RNF213: variants seen among roughly 807,000 people sequenced by gnomAD.
RNF213 encodes the protein ring finger protein 213.
Under a neutral mutation model 514.4 loss-of-function variants are expected in RNF213, and 341 were observed. That is an observed-to-expected ratio of 0.66 (90% CI 0.61 to 0.73). RNF213 has a LOEUF of 0.73. RNF213 is among the 30% of genes least tolerant of loss of function. The pLI is 0.00. For missense variants in RNF213, 5,767 were observed against 6,615.6 expected (o/e 0.87, Z 4.45); for synonymous variants, 2,655 against 2,658.2 (o/e 1.00, Z 0.04).
chr17:80,354,116 G>A lies in RNF213; in HGVS notation c.10676G>A (p.Arg3559Gln), dbSNP rs202119991. 280 of 1,613,990 alleles carry A rather than the reference G, an allele frequency of 1.7e-4. No individual in the cohort carries two copies. The highest frequency in any genetic ancestry group is 2.2e-4 in the Non-Finnish European group (262 of 1,180,046). Residue 3559 changes from arginine to glutamine, a missense_variant, in exon 35 of 68, where the codon CGG (arginine) becomes CAG (glutamine). This residue lies in a region of RNF213 where 919 missense variants were observed against 1,121.0 expected (regional missense o/e 0.82). Coordinates refer to ENST00000582970, the MANE Select transcript of RNF213 (RefSeq NM_001256071.3). ...AACGAGAGCTGCACGCGCAATATGCGGAGGGTGGTGCTCCTCCTGGGCCTC... is the reference window on the plus strand; with the variant it reads ...AACGAGAGCTGCACGCGCAATATGCAGAGGGTGGTGCTCCTCCTGGGCCTC... Reference protein sequence around the residue: ...DQNESCTRNMRRVVLLLGLLN... With the variant: ...DQNESCTRNMQRVVLLLGLLN...
chr17:80,270,222 G>A (rs907909774), intron 2 of RNF213, among the ~76,000 whole-genome samples: 1 of 152,210 alleles, frequency 6.6e-6, no homozygotes, highest in Non-Finnish European at 1.5e-5. Context: ...CAGCCTCCCT[G>A]GCTCTGCCAC....
At chr17:80,368,207 T>C (rs986499644) in intron 44 of RNF213, 64 bp downstream of exon 44, 11 of 1,539,884 alleles carry the variant, frequency 7.1e-6, no homozygotes, top group Non-Finnish European at 8.1e-6. Flanking sequence ...GCAAACACAA[T>C]ATTCAGAAAT....
chr17:80,278,749 G>T (rs1212087691), intron 3 of RNF213: 19 of 1,537,108 alleles, frequency 1.2e-5, no homozygotes, highest in South Asian at 4.8e-5. Context: ...TCTGAAGGGG[G>T]TCGTGTTTCA....
intron 3 of RNF213, chr17:80,278,616 G>A (rs776571142): frequency 2.5e-5 from 24 of 948,792 alleles, no homozygotes; most frequent in Non-Finnish European, 3.4e-5. Context: ...GACGGTGCTG[G>A]GAAGCTGGTC....
At chr17:80,314,161 AGGTGATGGTGGAGGTGATGGTGGTGGTG>A in intron 15 of RNF213, among the ~76,000 whole-genome samples, 3 of 90,408 alleles carry the variant, frequency 3.3e-5, no homozygotes, top group Admixed American at 1.0e-4. Context: ...GTGGTGGTGT[AGGTGATGGTGGAGGTGATGGTGGTGGTG>A]AAGGTGATGG....
chr17:80,346,237 C>A lies in RNF213; in HGVS notation c.7902C>A (p.Ser2634Arg), dbSNP rs1165276671. The change falls in exon 29 of 68, where the codon AGC becomes AGA. Residue 2634 changes from serine to arginine, a missense_variant. This residue lies in a region of RNF213 where 1,377 missense variants were observed against 1,635.2 expected (regional missense o/e 0.84). Transcript: ENST00000582970. This position sits in a 1 kb window ranked among gnomAD's most constrained non-coding sequence, Gnocchi z 8.1. ...TGAGGAAAACAGAAGATGAGTGCAG[C>A]TTTGTCAGCCTCAGGGACGTGGAGC... is the stretch of plus-strand genomic sequence containing the variant. ...GFMRKTEDEC[S>R]FVSLRDVERC... The A allele has an allele frequency of 6.2e-7, 1 of 1,614,194 alleles. No individual in the cohort carries two copies. Among genetic ancestry groups the A allele is most frequent in the Non-Finnish European group, 8.5e-7 (1 of 1,180,050 alleles).
Position 80,393,632 on chromosome 17 carries a change from A to G in RNF213, c.*134A>G. 1 of 960,648 alleles carries G rather than the reference A, an allele frequency of 1.0e-6. No individual in the cohort carries two copies. The highest frequency in any genetic ancestry group is 1.6e-5 in the African/African-American group (1 of 61,358). The allele number at this position is 960,648 out of a possible 1,614,324, so 59.5% of individuals were successfully genotyped here. A position where few individuals can be genotyped will look rare whatever the true frequency, so the allele number is the denominator to read the frequency against. ...CTGTCAGCGTAGCACCGAATTCAAG[A>G]CCAAGGCGTGCTACCTGAGCTGACA... On this transcript the variant is annotated 3_prime_UTR_variant, in exon 68 of 68. Transcript: ENST00000582970.
chr17:80,371,762 GTT>G (rs1448200167), intron 46 of RNF213, 110 bp from the exon 47 acceptor site: 2 of 671,610 alleles, frequency 3.0e-6, no homozygotes, highest in African/African-American at 3.7e-5. Flanking sequence ...GTATGTATAT[GTT>G]TATACACACA....
Position 80,340,006 on chromosome 17 carries a change from G to A in RNF213, c.5639G>A (p.Arg1880His), listed in dbSNP as rs1046940818. The A allele has an allele frequency of 3.9e-6, 6 of 1,539,656 alleles. No individual in the cohort carries two copies. The highest frequency in any genetic ancestry group is 1.2e-5 in the South Asian group (1 of 84,248). The change falls in exon 26 of 68, where the codon CGC (arginine) becomes CAC (histidine). Residue 1880 changes from arginine (R) to histidine (H), a missense_variant. Physicochemically the swap from Arg to His is conservative, Grantham distance 29. Around this residue, in one of 13 missense-constraint regions of RNF213, gnomAD observed 1,377 missense variants for 1,635.2 expected, o/e 0.84. Transcript: ENST00000582970. ...TFEEVALLLRRCLTLGSLGHK... is the reference protein window; with the variant it reads ...TFEEVALLLRHCLTLGSLGHK... The stretch of plus-strand genomic sequence containing the variant: ...GAGGAGGTGGCACTGTTGCTGCGCC[G>A]CTGCCTGACCCTGGGCTCCCTGGGG...
intron 38 of RNF213, 177 bp downstream of exon 38, chr17:80,360,383 T>C (rs1191272476): frequency 2.7e-6 from 2 of 735,046 alleles, no homozygotes; most frequent in Admixed American, 4.3e-5. Flanking sequence ...TTAAAGTTTC[T>C]GCTGAAGGAG....
intron 28 of RNF213, 137 bp from the exon 29 acceptor site, chr17:80,344,541 C>T: frequency 1.1e-6 from 1 of 946,602 alleles, no homozygotes; most frequent in South Asian, 1.4e-5. Flanking sequence ...GAAAAAAAGA[C>T]TATACAGAAA....
intron 46 of RNF213, chr17:80,371,638 T>C: frequency 2.3e-6 from 1 of 427,728 alleles, no homozygotes; most frequent in Non-Finnish European, 4.2e-6. Flanking sequence ...TTTTTAAGAC[T>C]ATAAAGGGGT....
rs139292810 is a variant in RNF213, at chr17:80,367,598, C to T, written c.11872-150C>T. On this transcript the variant is annotated intron_variant, in intron 42 of 67. Transcript: ENST00000582970. ...ACAAAACGAGCATTCAGAGTTCAAG[C>T]GTTAAACACAGGATCACAAAGGCCT... 2,446 of 660,000 alleles carry T rather than the reference C, an allele frequency of 3.7e-3. 9 individuals are homozygous for T. The highest frequency in any genetic ancestry group is 5.9e-3 in the Non-Finnish European group (2,143 of 362,414). The allele number at this position is 660,000 out of a possible 1,614,324, so 40.9% of individuals were successfully genotyped here. A position where few individuals can be genotyped will look rare whatever the true frequency, so the allele number is the denominator to read the frequency against.
In RNF213 at chr17:80,332,327, A is replaced by G; in HGVS notation, c.3839A>G (p.Gln1280Arg). The G allele has an allele frequency of 6.5e-7, 1 of 1,537,248 alleles. No individual in the cohort carries two copies. The highest frequency in any genetic ancestry group is 8.7e-7 in the Non-Finnish European group (1 of 1,146,920). Residue 1280 changes from glutamine to arginine, a missense_variant, in exon 21 of 68, where the codon CAG (glutamine) becomes CGG (arginine). Around this residue, in one of 13 missense-constraint regions of RNF213, gnomAD observed 516 missense variants for 566.5 expected, o/e 0.91. Coordinates refer to ENST00000582970, the MANE Select transcript of RNF213 (RefSeq NM_001256071.3). ...ELEEVYDYLYQPSYRKFIKLH... is the reference protein window; with the variant it reads ...ELEEVYDYLYRPSYRKFIKLH... ...GAAGAGGTGTATGACTATTTGTATC[A>G]GCCTTCTTACAGAAAGTTCATTAAG...
rs760313419 is a variant in RNF213 at position 80,347,932 on chromosome 17, C to T, written c.9597C>T (p.Ile3199=). ...EELCAWVEKF[I]NVKAHHFQKR... is the part of the protein sequence containing the mutation. ...TCTGTGCGTGGGTGGAGAAGTTCAT[C>T]AATGTCAAAGCACATCATTTCCAGA... Residue 3199 remains isoleucine, a synonymous_variant, in exon 29 of 68, where the codon ATC becomes ATT. Coordinates refer to ENST00000582970, the MANE Select transcript of RNF213 (RefSeq NM_001256071.3). This position sits in a 1 kb window ranked among gnomAD's most constrained non-coding sequence, Gnocchi z 7.2. 3.1e-6 allele frequency: 5 copies of T among 1,614,158 alleles called. No individual in the cohort carries two copies. The highest frequency in any genetic ancestry group is 4.2e-6 in the Non-Finnish European group (5 of 1,179,974).
chr17:80,303,849 C>T (rs112188690), intron 11 of RNF213, among the ~76,000 whole-genome samples: 2,968 of 151,238 alleles, frequency 0.02, 98 homozygotes, highest in African/African-American at 0.066. Flanking sequence ...GGATTACAGG[C>T]GTGAGCCACC....
At chr17:80,326,591 C>T (rs2046287792) in intron 18 of RNF213, among the ~76,000 whole-genome samples, 1 of 152,188 alleles carries the variant, frequency 6.6e-6, no homozygotes, top group Non-Finnish European at 1.5e-5. Flanking sequence ...TACAAAATCC[C>T]ATGCTCCACC....
chr17:80,381,383 C>G (rs935308303), intron 56 of RNF213, 164 bp from the exon 57 acceptor site: 41 of 751,348 alleles, frequency 5.5e-5, no homozygotes, highest in Non-Finnish European at 8.7e-5. Flanking sequence ...AGCAGCCGTT[C>G]CGCTTGCTAG....
intron 67 of RNF213, among the ~76,000 whole-genome samples, chr17:80,391,413 G>A (rs2080466939): frequency 6.6e-6 from 1 of 152,220 alleles, no homozygotes; most frequent in Admixed American, 6.5e-5. Context: ...TGGGATTACA[G>A]GTGCCAACCA....
Sources: gnomAD v4.1 joint callset for allele counts (sites outside exome capture counted in the v4.1 genomes callset) on GRCh38, gnomAD v4.1.1 for gene constraint, gnomAD v4.1.1 regional missense constraint, Gnocchi (gnomAD v3.1) non-coding constraint, MANE v1.5 for transcripts, NCBI Gene and HGNC (gene_info 2026-07-23, HGNC 2026-07-21) for gene names.